SPIRE1: variants seen among roughly 807,000 people sequenced by gnomAD.
SPIRE1 encodes the protein protein spire homolog 1.
SPIRE1 carries 40 observed loss-of-function variants against 94.1 expected under a neutral mutation model. That is an observed-to-expected ratio of 0.43 (90% CI 0.33 to 0.55). The LOEUF (loss-of-function observed/expected upper bound fraction) is 0.55. Ranked by LOEUF, SPIRE1 falls within the 20% of genes least tolerant of loss-of-function variation. SPIRE1 has a pLI of 0.06. For missense variants in SPIRE1, 838 were observed against 975.2 expected, an observed-to-expected ratio of 0.86 and a Z score of 1.87; for synonymous variants, 376 against 371.7, an observed-to-expected ratio of 1.01 and a Z score of -0.13.
intron 2 of SPIRE1, among the ~76,000 whole-genome samples, chr18:12,571,415 T>C (rs2035958360): frequency 6.6e-6 from 1 of 152,150 alleles, no homozygotes; most frequent in Non-Finnish European, 1.5e-5. Flanking sequence ...GGTAGAATCA[T>C]GTAAAATCTA....
chr18:12,554,296 C>CAAAAA (rs35637714), intron 2 of SPIRE1, among the ~76,000 whole-genome samples: 3 of 56,334 alleles, frequency 5.3e-5, no homozygotes, highest in African/African-American at 1.2e-4. Context: ...AGACTCTGTT[C>CAAAAA]AAAAAAAAAA....
chr18:12,458,241 T>A (rs2031615600), intron 12 of SPIRE1, among the ~76,000 whole-genome samples: 1 of 151,770 alleles, frequency 6.6e-6, no homozygotes, highest in Non-Finnish European at 1.5e-5. Context: ...GCTTTTTGAG[T>A]TTTTAATAAA....
intron 8 of SPIRE1, among the ~76,000 whole-genome samples, chr18:12,486,996 G>A (rs1033266235): frequency 1.3e-5 from 2 of 152,126 alleles, no homozygotes; most frequent in African/African-American, 2.4e-5. Flanking sequence ...GGGATTACAG[G>A]TGCCCACCAG....
At chr18:12,623,736 C>T (rs1292745377) in intron 2 of SPIRE1, among the ~76,000 whole-genome samples, 1 of 152,132 alleles carries the variant, frequency 6.6e-6, no homozygotes, top group Non-Finnish European at 1.5e-5. Context: ...TGAATCAATT[C>T]TCTTGTCTCA....
chr18:12,593,205 A>G (rs1192078239), intron 2 of SPIRE1, among the ~76,000 whole-genome samples: 1 of 152,262 alleles, frequency 6.6e-6, no homozygotes, highest in Non-Finnish European at 1.5e-5. Context: ...TAAAAACTAT[A>G]ACCTATTAAC....
At chr18:12,490,741 C>T (rs982871792) in intron 8 of SPIRE1, among the ~76,000 whole-genome samples, 5 of 152,050 alleles carry the variant, frequency 3.3e-5, no homozygotes, top group Admixed American at 3.3e-4. Context: ...AACACCTTTT[C>T]AAAATAAAAA....
At chr18:12,575,412 G>A (rs891443597) in intron 2 of SPIRE1, among the ~76,000 whole-genome samples, 2 of 152,086 alleles carry the variant, frequency 1.3e-5, no homozygotes, top group African/African-American at 4.8e-5. Context: ...GTTGCCCAGG[G>A]TGGGGTGCAG....
At chr18:12,571,300 C>G (rs2035954874) in intron 2 of SPIRE1, among the ~76,000 whole-genome samples, 1 of 152,104 alleles carries the variant, frequency 6.6e-6, no homozygotes, top group Non-Finnish European at 1.5e-5. Flanking sequence ...GTCTCAAACT[C>G]TTGACCTCAA....
chr18:12,596,942 C>A (rs1459171060), intron 2 of SPIRE1, among the ~76,000 whole-genome samples: 1 of 148,912 alleles, frequency 6.7e-6, no homozygotes, highest in Non-Finnish European at 1.5e-5. Context: ...TAACCCCCTT[C>A]CTGTTTCCTC....
upstream of SPIRE1, among the ~76,000 whole-genome samples, chr18:12,660,307 T>C (rs2038669527): frequency 6.9e-6 from 1 of 145,792 alleles, no homozygotes; most frequent in Non-Finnish European, 1.5e-5. Flanking sequence ...CTCTAATCAA[T>C]GGAAAAAGAT....
chr18:12,652,079 C>G (rs1057030363), intron 1 of SPIRE1, among the ~76,000 whole-genome samples: 7 of 152,154 alleles, frequency 4.6e-5, no homozygotes, highest in African/African-American at 1.7e-4. Context: ...TATTTAAGTC[C>G]TGAAAGACTG....
chr18:12,617,492 A>G (rs992697311), intron 2 of SPIRE1, among the ~76,000 whole-genome samples: 7 of 150,786 alleles, frequency 4.6e-5, no homozygotes, highest in African/African-American at 1.7e-4. Flanking sequence ...GCTCACTGCA[A>G]CCTCTGCCCC....
intron 2 of SPIRE1, among the ~76,000 whole-genome samples, chr18:12,560,876 A>G (rs1464065977): frequency 6.6e-6 from 1 of 152,142 alleles, no homozygotes; most frequent in East Asian, 1.9e-4. Flanking sequence ...TAAACAAACA[A>G]AACAACAACA....
chr18:12,610,237 A>G (rs1376169190), intron 2 of SPIRE1, among the ~76,000 whole-genome samples: 1 of 152,014 alleles, frequency 6.6e-6, no homozygotes, highest in Non-Finnish European at 1.5e-5. Context: ...TGTATGCCTG[A>G]CCCTTCCAAT....
intron 12 of SPIRE1, among the ~76,000 whole-genome samples, chr18:12,455,985 C>T (rs1226498216): frequency 6.6e-6 from 1 of 152,150 alleles, no homozygotes; most frequent in Admixed American, 6.5e-5. Context: ...CTGCTTCTTA[C>T]TAAAAATCAA....
At chr18:12,655,112 GC>G (rs755888889) in intron 1 of SPIRE1, among the ~76,000 whole-genome samples, 4 of 151,860 alleles carry the variant, frequency 2.6e-5, no homozygotes, top group Non-Finnish European at 4.4e-5. Context: ...CAGCACTTTA[GC>G]AGGCCAAGGC....
intron 4 of SPIRE1, among the ~76,000 whole-genome samples, chr18:12,529,688 T>C (rs1053604606): frequency 6.6e-6 from 1 of 152,208 alleles, no homozygotes; most frequent in African/African-American, 2.4e-5. Context: ...ATCAAAATGT[T>C]TGAAATATTC....
intron 2 of SPIRE1, among the ~76,000 whole-genome samples, chr18:12,547,522 T>C (rs2035208926): frequency 6.6e-6 from 1 of 152,166 alleles, no homozygotes; most frequent in African/African-American, 2.4e-5. Flanking sequence ...GCTCCAGACT[T>C]TGGCCAATAC....
At chr18:12,570,396 T>C (rs1232555376) in intron 2 of SPIRE1, among the ~76,000 whole-genome samples, 1 of 152,238 alleles carries the variant, frequency 6.6e-6, no homozygotes, top group Admixed American at 6.5e-5. Context: ...CTTTCAGTTG[T>C]TATCTAACAA....
Sources: gnomAD v4.1 joint callset for allele counts (sites outside exome capture counted in the v4.1 genomes callset) on GRCh38, gnomAD v4.1.1 for gene constraint, MANE v1.5 for transcripts, NCBI Gene and HGNC (gene_info 2026-07-23, HGNC 2026-07-21) for gene names.